The following MADD variants were observed in gnomAD, a reference collection of about 807,000 sequenced individuals.
The protein encoded by MADD is MAP kinase activating death domain.
A neutral mutation model predicts 176.7 loss-of-function variants in MADD; 109 were observed. The ratio of observed to expected loss-of-function variants is 0.62; its 90% CI spans 0.53 to 0.72. MADD has a LOEUF of 0.72. MADD is among the 30% of genes least tolerant of loss of function. The pLI is 0.00. For missense variants in MADD, 1,914 were observed against 2,045.5 expected, an observed-to-expected ratio of 0.94 and a Z score of 1.24; for synonymous variants, 771 against 771.3, an observed-to-expected ratio of 1.00 and a Z score of 0.01.
At chr11:47,324,947 G>C (rs1253857826) in intron 30 of MADD, 1 of 595,178 alleles carries the variant, frequency 1.7e-6, no homozygotes, top group East Asian at 2.8e-5. Context: ...GTTTTGCTTT[G>C]AGAGTCTAGA....
intron 22 of MADD, among the ~76,000 whole-genome samples, chr11:47,300,493 A>G (rs1271771677): frequency 6.9e-6 from 1 of 145,514 alleles, no homozygotes; most frequent in Non-Finnish European, 1.5e-5. Flanking sequence ...GGCGTGAGCC[A>G]CTGCGCCCAG....
At chr11:47,284,600 G>C (rs1464384600) in intron 12 of MADD, 35 bp downstream of exon 12, 2 of 1,602,890 alleles carry the variant, frequency 1.2e-6, no homozygotes, top group Admixed American at 1.7e-5. Context: ...GAGAACCATG[G>C]CCTGGGATGT....
exon 33 of MADD, chr11:47,329,319 C>T: frequency 1.6e-6 from 1 of 613,944 alleles, no homozygotes; most frequent in South Asian, 1.9e-5. Context: ...CTGAGTGTGT[C>T]TTGAGCGTGT....
intron 27 of MADD, among the ~76,000 whole-genome samples, chr11:47,317,916 C>T (rs901368494): frequency 2.6e-5 from 4 of 151,920 alleles, no homozygotes; most frequent in Admixed American, 6.6e-5. Flanking sequence ...TTTACAGGTG[C>T]CTGCCACCAC....
rs201918520 is a variant in MADD at position 47,321,594 on chromosome 11, A to AG, written c.4198-2070dup. Among the ~76,000 whole-genome samples, 1,278 of 152,182 alleles carry AG rather than the reference A, an allele frequency of 8.4e-3. 4 individuals carry two copies. The highest frequency in any genetic ancestry group is 0.014 in the African/African-American group (571 of 41,492). On this transcript the variant is annotated intron_variant, in intron 27 of 32. Transcript: ENST00000402192. ...ATGGTGAGCATTATGAAAGAAGCTC[A>AG]GGGGGGGCAGAATAAATACCAGAGG...
chr11:47,314,632 C>T (rs2092060556), intron 26 of MADD, among the ~76,000 whole-genome samples: 1 of 152,118 alleles, frequency 6.6e-6, no homozygotes, highest in African/African-American at 2.4e-5. Context: ...TTCTGCTTCC[C>T]AAGTTCTGGT....
intron 5 of MADD, among the ~76,000 whole-genome samples, chr11:47,277,816 T>G (rs754903610): frequency 3.3e-5 from 5 of 152,228 alleles, no homozygotes; most frequent in Non-Finnish European, 7.3e-5. Flanking sequence ...TTCATCATGC[T>G]TCTCAGAACT....
rs2095365531 is a variant in MADD, at chr11:47,325,662, AG to A, written c.4543-1072del. Among the ~76,000 whole-genome samples the A allele has an allele frequency of 6.6e-6, 1 of 152,234 alleles. No homozygotes were observed. The highest frequency in any genetic ancestry group is 1.5e-5 in the Non-Finnish European group (1 of 68,048). Reference sequence around the variant, plus strand: ...CAAAGACCTTAGGACCATCCCAGAGAGGGGTCTACCTAAGTGCTTTTCTGGA... The same window carrying A: ...CAAAGACCTTAGGACCATCCCAGAGAGGGTCTACCTAAGTGCTTTTCTGGA... On this transcript the variant is annotated intron_variant, in intron 30 of 32. Transcript: ENST00000402192. The surrounding 1 kb of genome is among the most constrained non-coding windows in gnomAD (Gnocchi z 4.5).
intron 3 of MADD, 149 bp downstream of exon 3, chr11:47,275,308 T>C (rs1169499028): frequency 1.8e-5 from 14 of 778,006 alleles, no homozygotes; most frequent in Non-Finnish European, 1.4e-5. Flanking sequence ...TCTTTTTTCT[T>C]TTGGAGACAG....
At chr11:47,302,340 A>G (rs750855545) in intron 22 of MADD, among the ~76,000 whole-genome samples, 2 of 152,062 alleles carry the variant, frequency 1.3e-5, no homozygotes, top group Non-Finnish European at 2.9e-5. Flanking sequence ...CAGCCTCCCA[A>G]GTAGCTGGGA....
intron 22 of MADD, among the ~76,000 whole-genome samples, chr11:47,302,415 T>A (rs539348232): frequency 6.6e-6 from 1 of 152,346 alleles, no homozygotes; most frequent in South Asian, 2.1e-4. Flanking sequence ...GGTTTCACCA[T>A]GTTGGCCAGG....
intron 22 of MADD, among the ~76,000 whole-genome samples, chr11:47,300,967 A>G (rs954557395): frequency 2.8e-5 from 4 of 143,932 alleles, no homozygotes; most frequent in Admixed American, 6.8e-5. Context: ...TGTGATGTCA[A>G]TTGTAATGTT....
At chr11:47,301,414 G>A (rs555531763) in intron 22 of MADD, among the ~76,000 whole-genome samples, 6 of 152,126 alleles carry the variant, frequency 3.9e-5, no homozygotes, top group Non-Finnish European at 7.4e-5. Context: ...CACCACGCCC[G>A]GCCTATTTTT....
intron 22 of MADD, among the ~76,000 whole-genome samples, chr11:47,304,025 T>C (rs1401187596): frequency 6.6e-6 from 1 of 152,218 alleles, no homozygotes; most frequent in Non-Finnish European, 1.5e-5. Flanking sequence ...AAATAAGTTT[T>C]TTATGCCTTT....
intron 26 of MADD, among the ~76,000 whole-genome samples, chr11:47,313,884 T>C (rs886959634): frequency 3.2e-4 from 49 of 151,888 alleles, no homozygotes; most frequent in Non-Finnish European, 4.4e-5. Flanking sequence ...CTCAGCCTCA[T>C]GAGTAGCTGG....
At chr11:47,315,776 A>G (rs961242267) in intron 27 of MADD, among the ~76,000 whole-genome samples, 3 of 150,916 alleles carry the variant, frequency 2.0e-5, no homozygotes, top group South Asian at 2.1e-4. Flanking sequence ...CACCCGGCCA[A>G]ATTATCAGAT....
chr11:47,292,431 T>C (rs2066115872), intron 19 of MADD, 112 bp from the exon 21 acceptor site: 2 of 890,768 alleles, frequency 2.2e-6, no homozygotes. Flanking sequence ...TCTTGGTTGG[T>C]AATCCAGTGC....
At chr11:47,276,931 A>G in intron 5 of MADD, 68 bp downstream of exon 5, 3 of 1,564,538 alleles carry the variant, frequency 1.9e-6, no homozygotes, top group Non-Finnish European at 1.7e-6. Flanking sequence ...TAATGCTCAA[A>G]GAAGTTGTAA....
chr11:47,307,602 G>A (rs2083940424), intron 22 of MADD, among the ~76,000 whole-genome samples: 1 of 151,658 alleles, frequency 6.6e-6, no homozygotes, highest in South Asian at 2.1e-4. Context: ...TTCATGTGTT[G>A]TGAAATGGCA....
Sources: allele counts gnomAD v4.1 joint callset (sites outside exome capture counted in the v4.1 genomes callset), GRCh38; gene constraint gnomAD v4.1.1; non-coding constraint Gnocchi (gnomAD v3.1); transcripts MANE v1.5; gene names NCBI Gene and HGNC (gene_info 2026-07-23, HGNC 2026-07-21).